The following OVCH1 variants were observed in gnomAD, a reference collection of about 807,000 sequenced individuals.
OVCH1 encodes the protein ovochymase-1.
Under a neutral mutation model 138.4 loss-of-function variants are expected in OVCH1, and 139 were observed. That is an observed-to-expected ratio of 1.00 (90% CI 0.87 to 1.16). The LOEUF (loss-of-function observed/expected upper bound fraction) is 1.16, where lower values mean the gene tolerates loss of function less well. OVCH1 is among the 50% of genes most tolerant of loss of function. The probability of loss-of-function intolerance (pLI) is 0.00; values close to 1 mark genes in which losing one functional copy is unlikely to be tolerated. For missense variants in OVCH1, 1,367 were observed against 1,357.9 expected, an observed-to-expected ratio of 1.01 and a Z score of -0.11; for synonymous variants, 453 against 467.8, an observed-to-expected ratio of 0.97 and a Z score of 0.41.
chr12:29,476,075 G>A (rs1041524015), intron 13 of OVCH1, 131 bp downstream of exon 13: 1 of 739,578 alleles, frequency 1.4e-6, no homozygotes, highest in Admixed American at 2.2e-5. Context: ...AAAGTTGTAT[G>A]GCATTCTGAG....
rs563510028 is a variant in OVCH1, at chr12:29,413,219, A to G, written c.*72-494T>C. 1.9e-3 allele frequency among the ~76,000 whole-genome samples: 294 copies of G among 152,222 alleles called. 1 individual carries two copies. Among genetic ancestry groups the G allele is most frequent in the Non-Finnish European group, 2.7e-3 (184 of 67,988 alleles). On this transcript the variant is annotated intron_variant and NMD_transcript_variant, in intron 3 of 4. Coordinates refer to the OVCH1 transcript ENST00000539117. ...TCCAGAAAATACTATCTATTACTCA[A>G]AAGGGATCAGCCCAATTTATATGTT...
chr12:29,425,689 T>G (rs1247863832), downstream of OVCH1, among the ~76,000 whole-genome samples: 1 of 152,152 alleles, frequency 6.6e-6, no homozygotes, highest in Non-Finnish European at 1.5e-5. Flanking sequence ...CTACATAAGA[T>G]TGTTAAAAGA....
chr12:29,476,005 GCA>G (rs1196559049), intron 13 of OVCH1, among the ~76,000 whole-genome samples, 199 bp downstream of exon 13: 2 of 152,088 alleles, frequency 1.3e-5, no homozygotes, highest in Non-Finnish European at 2.9e-5. Flanking sequence ...TTTACATTTT[GCA>G]CATTTCCATT....
At chr12:29,403,233 T>C in the OVCH1 span, among the ~76,000 whole-genome samples, 1 of 152,188 alleles carries the variant, frequency 6.6e-6, no homozygotes, top group South Asian at 2.1e-4. Flanking sequence ...TCTACAGAAA[T>C]GGCAGCTTAA....
At chr12:29,497,558 A>G (rs1443434154) in intron 1 of OVCH1, 65 bp downstream of exon 1, 3 of 1,585,280 alleles carry the variant, frequency 1.9e-6, no homozygotes, top group Non-Finnish European at 2.6e-6. Flanking sequence ...AGGAGTAATG[A>G]AGTCTTCCCT....
chr12:29,489,802 C>A (rs1226717210), intron 5 of OVCH1, 31 bp from the exon 6 acceptor site: 3 of 1,591,182 alleles, frequency 1.9e-6, no homozygotes, highest in Non-Finnish European at 1.7e-6. Flanking sequence ...AGTTAGCACA[C>A]AATATCCTCA....
intron 26 of OVCH1, among the ~76,000 whole-genome samples, chr12:29,434,465 T>C (rs1211636089): frequency 6.6e-6 from 1 of 152,124 alleles, no homozygotes; most frequent in East Asian, 1.9e-4. Context: ...TACAATCTAT[T>C]AATTTACTTA....
chr12:29,425,174 A>T (rs1050245180), downstream of OVCH1, among the ~76,000 whole-genome samples: 12 of 152,234 alleles, frequency 7.9e-5, no homozygotes, highest in Admixed American at 2.6e-4. Flanking sequence ...TTAAATAACC[A>T]TACAAGAAAT....
rs1942833368 is a variant in OVCH1 at position 29,478,901 on chromosome 12, T to G, written c.1003A>C (p.Met335Leu). Residue 335 changes from methionine (M) to leucine (L), a missense_variant, in exon 9 of 28, where the codon ATG becomes CTG. Transcript: ENST00000318184. ...TGATCACATCCAACTTGCTTTTCCATGTCTAAACTTGTAAATTTTATCAGG... is the reference window on the plus strand; with the variant it reads ...TGATCACATCCAACTTGCTTTTCCAGGTCTAAACTTGTAAATTTTATCAGG... 10 of 1,581,978 alleles carry G rather than the reference T, an allele frequency of 6.3e-6. No individual in the cohort carries two copies. The Admixed American group carries it at 1.6e-4, about 26-fold the overall frequency.
intron 22 of OVCH1, among the ~76,000 whole-genome samples, chr12:29,446,224 G>A (rs1195773669): frequency 1.3e-5 from 2 of 152,142 alleles, no homozygotes; most frequent in Non-Finnish European, 1.5e-5. Flanking sequence ...GACTCAGTCC[G>A]TGGTCCATAG....
At chr12:29,450,169 G>C (rs777499984) in intron 22 of OVCH1, among the ~76,000 whole-genome samples, 1 of 152,078 alleles carries the variant, frequency 6.6e-6, no homozygotes. Flanking sequence ...TGACAAATAG[G>C]ATCTAATTAA....
At chr12:29,417,858 T>A (rs1941053517) in intron 3 of OVCH1, among the ~76,000 whole-genome samples, 1 of 152,092 alleles carries the variant, frequency 6.6e-6, no homozygotes. Context: ...TAAGAAGCAC[T>A]GTTCTAAACG....
chr12:29,487,433 T>C (rs1943142568), intron 7 of OVCH1: 4 of 341,654 alleles, frequency 1.2e-5, no homozygotes, highest in Non-Finnish European at 2.1e-5. Context: ...CTGATGAGTC[T>C]ATTCTCAAGG....
intron 5 of OVCH1, 50 bp downstream of exon 5, chr12:29,491,047 G>A: frequency 2.8e-6 from 4 of 1,446,710 alleles, no homozygotes; most frequent in Non-Finnish European, 1.9e-6. Context: ...TGCTTCCCCT[G>A]GACATACAGA....
chr12:29,443,379 G>A, exon 25 of OVCH1: 2 of 1,609,762 alleles, frequency 1.2e-6, no homozygotes, highest in Non-Finnish European at 1.7e-6. Flanking sequence ...TTTTTTCCTG[G>A]TCCAAATCCT....
chr12:29,446,596 T>C lies in OVCH1; in HGVS notation c.2756-1193A>G, dbSNP rs879480828. Among the ~76,000 whole-genome samples, 5 of 152,064 alleles carry C rather than the reference T, an allele frequency of 3.3e-5. No homozygotes were observed. In the East Asian group the frequency reaches 9.6e-4, roughly 29 times the overall value. ...AAAGAAATGCTAGGTTGGAAAATTA[T>C]AGGGATTCCTCAGGTAATCTACAAT... On this transcript the variant is annotated intron_variant, in intron 22 of 27. Coordinates refer to ENST00000318184, the Ensembl canonical transcript of OVCH1.
chr12:29,478,334 T>A (rs186048660), intron 9 of OVCH1, among the ~76,000 whole-genome samples: 1 of 152,222 alleles, frequency 6.6e-6, no homozygotes, highest in East Asian at 1.9e-4. Context: ...GGTGACAGGG[T>A]TATGAATGGT....
intron 4 of OVCH1, among the ~76,000 whole-genome samples, chr12:29,492,787 C>A (rs1254680254): frequency 1.3e-5 from 2 of 152,062 alleles, no homozygotes; most frequent in African/African-American, 4.8e-5. Context: ...ATGTCCAGGG[C>A]TGAGCCTGGG....
At chr12:29,471,860 A>G (rs373615257) in exon 16 of OVCH1, 5 of 1,613,104 alleles carry the variant, frequency 3.1e-6, no homozygotes, top group South Asian at 2.2e-5. Flanking sequence ...GCACCTCCAC[A>G]TTGGTAATCG....
Sources: gnomAD v4.1 joint callset for allele counts (sites outside exome capture counted in the v4.1 genomes callset) on GRCh38, gnomAD v4.1.1 for gene constraint, MANE v1.5 for transcripts, NCBI Gene and HGNC (gene_info 2026-07-23, HGNC 2026-07-21) for gene names.